The following INPP4A variants were observed in gnomAD, a reference collection of about 807,000 sequenced individuals.
INPP4A encodes inositol polyphosphate-4-phosphatase, type I, 107kD.
In INPP4A, 33 loss-of-function variants were observed where a neutral mutation model predicts 119.8. That is an observed-to-expected ratio of 0.28 (90% CI 0.21 to 0.37). The LOEUF (loss-of-function observed/expected upper bound fraction) is 0.37, where lower values mean the gene tolerates loss of function less well. Ranked by LOEUF, INPP4A falls within the 10% of genes least tolerant of loss-of-function variation. The pLI, the probability that INPP4A is intolerant of heterozygous loss-of-function variation, is 1.00. For synonymous variants in INPP4A, 496 were observed against 500.7 expected (o/e 0.99, Z 0.12); for missense variants, 956 against 1,289.9 (o/e 0.74, Z 3.97).
In INPP4A at chr2:98,588,195, C is replaced by A. The variant is rs376825703; in HGVS notation, c.*587C>A. Reference sequence around the variant, plus strand: ...GTTGAAAGAAAGATTGATAAATCAACGGGAGATAAGACTTTATTAGAAGGT... The same window carrying A: ...GTTGAAAGAAAGATTGATAAATCAAAGGGAGATAAGACTTTATTAGAAGGT... On this transcript the variant is annotated 3_prime_UTR_variant, in exon 25 of 25. Coordinates refer to ENST00000409851, the MANE Select transcript of INPP4A (RefSeq NM_001134225.2). The A allele has an allele frequency of 1.4e-5, 3 of 210,394 alleles. No individual in the cohort carries two copies. Among genetic ancestry groups the A allele is most frequent in the Non-Finnish European group, 2.9e-5 (3 of 103,874 alleles). 13.0% of individuals were successfully genotyped at this position (210,394 alleles called of 1,614,324 possible).
chr2:98,446,935 G>C (rs1215458662), intron 1 of INPP4A, among the ~76,000 whole-genome samples: 1 of 152,122 alleles, frequency 6.6e-6, no homozygotes, highest in Non-Finnish European at 1.5e-5. Context: ...CTAGAAAAAT[G>C]GGATGTGTAT....
rs540869301 is a variant in INPP4A, at chr2:98,577,182, G to A, written c.2786+39G>A. ...CCAGGCCGCGCGCCCCGCCTGCCCC[G>A]GCCCGTGTAAACTGCAGATGAGCTG... On this transcript the variant is annotated intron_variant, in intron 24 of 24. Transcript: ENST00000409851. The A allele has an allele frequency of 1.4e-5, 21 of 1,537,826 alleles. No individual in the cohort carries two copies. In the East Asian group the frequency reaches 2.2e-4, roughly 16 times the overall value.
rs115448170 is a variant in INPP4A, at chr2:98,522,480, C to T, written c.151+1749C>T. On this transcript the variant is annotated intron_variant, in intron 4 of 24. Transcript: ENST00000409851. ...AAGTTTGGAAGTTAGTCAAGGAATT[C>T]TTCCAGAAAGTAAGATTTTAAAAAC... Among the ~76,000 whole-genome samples the T allele has an allele frequency of 6.9e-3, 1,053 of 151,908 alleles. 10 individuals are homozygous for T. Among genetic ancestry groups the T allele is most frequent in the African/African-American group, 0.022 (920 of 41,452 alleles).
At chr2:98,587,384 T>A in intron 24 of INPP4A, 92 bp from the exon 25 acceptor site, 1 of 1,244,002 alleles carries the variant, frequency 8.0e-7, no homozygotes, top group Non-Finnish European at 1.1e-6. Flanking sequence ...TTTTTAATGT[T>A]ATGAAAATGA....
chr2:98,542,242 C>T (rs1418031759), intron 10 of INPP4A, among the ~76,000 whole-genome samples: 1 of 152,268 alleles, frequency 6.6e-6, no homozygotes, highest in Non-Finnish European at 1.5e-5. Context: ...GGCCTGAGGC[C>T]ATGGGGCCGG....
chr2:98,498,247 A>T (rs146389588), intron 1 of INPP4A, among the ~76,000 whole-genome samples: 3 of 151,984 alleles, frequency 2.0e-5, no homozygotes, highest in African/African-American at 7.3e-5. Context: ...TAACTGAATC[A>T]TGGGGGGTGG....
At chr2:98,519,896 T>C in intron 2 of INPP4A, 50 bp from the exon 3 acceptor site, 1 of 647,086 alleles carries the variant, frequency 1.5e-6, no homozygotes, top group South Asian at 1.8e-5. Context: ...AGAGCATGAT[T>C]TCTCTCCATC....
chr2:98,544,045 G>GCGCA (rs750014688), intron 11 of INPP4A, 38 bp downstream of exon 11: 1 of 1,441,432 alleles, frequency 6.9e-7, no homozygotes. Context: ...ACACGCGTGC[G>GCGCA]CACACACACA....
Position 98,461,026 on chromosome 2 carries a change from G to A in INPP4A, c.-166+15941G>A, listed in dbSNP as rs528416784. 1.6e-4 allele frequency among the ~76,000 whole-genome samples: 24 copies of A among 152,244 alleles called. 1 individual carries two copies. The South Asian group carries it at 2.3e-3, about 14-fold the overall frequency. ...AATAGCTGGCTGGGCAGCTGCAGCC[G>A]GTTCCATCTTCTCCATAGCCACGCC... is the stretch of plus-strand genomic sequence containing the variant. On this transcript the variant is annotated intron_variant, in intron 1 of 24. Coordinates refer to ENST00000409851, the MANE Select transcript of INPP4A (RefSeq NM_001134225.2).
chr2:98,520,820 T>C, intron 4 of INPP4A, 89 bp downstream of exon 4: 2 of 709,956 alleles, frequency 2.8e-6, no homozygotes, highest in Non-Finnish European at 4.7e-6. Context: ...TGGGCTTGTC[T>C]CAGAGAGCTT....
chr2:98,474,642 G>GCAGCAGACCCATCTCACCTGGGTGC (rs1676835185), intron 1 of INPP4A, among the ~76,000 whole-genome samples: 1 of 152,202 alleles, frequency 6.6e-6, no homozygotes, highest in Non-Finnish European at 1.5e-5. Flanking sequence ...GCCCTGGGAG[G>GCAGCAGACCCATCTCACCTGGGTGC]CAGCAGACCC....
In INPP4A at chr2:98,546,577, G is replaced by T; in HGVS notation, c.1055-9G>T. 1 of 1,605,408 alleles carries T rather than the reference G, an allele frequency of 6.2e-7. No individual in the cohort carries two copies. Among genetic ancestry groups the T allele is most frequent in the Non-Finnish European group, 8.5e-7 (1 of 1,172,426 alleles). Reference sequence around the variant, plus strand: ...CCAGAGTAATGGAGGAGAGCTTTCTGTCATTCAGATCAGAACTACGACATC... The same window carrying T: ...CCAGAGTAATGGAGGAGAGCTTTCTTTCATTCAGATCAGAACTACGACATC... On this transcript the variant is annotated splice_polypyrimidine_tract_variant and intron_variant, in intron 12 of 24. Coordinates refer to ENST00000409851, the MANE Select transcript of INPP4A (RefSeq NM_001134225.2). The surrounding 1 kb of genome is among the most constrained non-coding windows in gnomAD (Gnocchi z 4.2).
At chr2:98,534,544 C>G (rs146942642) in intron 5 of INPP4A, among the ~76,000 whole-genome samples, 10 of 152,258 alleles carry the variant, frequency 6.6e-5, no homozygotes, top group African/African-American at 1.9e-4. Context: ...TCGGGGGACT[C>G]CACATGAAGA....
chr2:98,579,047 C>CT (rs1388095033), intron 24 of INPP4A, among the ~76,000 whole-genome samples: 1 of 150,646 alleles, frequency 6.6e-6, no homozygotes, highest in African/African-American at 2.4e-5. Flanking sequence ...GACCTTATCA[C>CT]TTTTTTTTTC....
intron 21 of INPP4A, 108 bp from the exon 22 acceptor site, chr2:98,568,463 C>T (rs1300260622): frequency 3.1e-6 from 2 of 643,788 alleles, no homozygotes; most frequent in Non-Finnish European, 5.7e-6. Flanking sequence ...TTTAGATATG[C>T]ATAGTAAATG....
chr2:98,495,976 T>C (rs540492800), intron 1 of INPP4A, among the ~76,000 whole-genome samples: 1 of 152,356 alleles, frequency 6.6e-6, no homozygotes, highest in Non-Finnish European at 1.5e-5. Flanking sequence ...TATTTTGATT[T>C]CTTTCAGGGC....
intron 4 of INPP4A, among the ~76,000 whole-genome samples, chr2:98,529,119 T>C (rs768761301): frequency 4.1e-4 from 62 of 151,984 alleles, no homozygotes; most frequent in African/African-American, 1.4e-3. Context: ...AAAATATCTT[T>C]CAAAAATGAA....
chr2:98,452,244 G>C (rs953573087), intron 1 of INPP4A, among the ~76,000 whole-genome samples: 4 of 152,198 alleles, frequency 2.6e-5, no homozygotes, highest in Non-Finnish European at 5.9e-5. Flanking sequence ...GAGGCTGTGA[G>C]AGTGCTGTGT....
chr2:98,512,331 C>G lies in INPP4A; in HGVS notation c.-165-6633C>G, dbSNP rs371731191. On this transcript the variant is annotated intron_variant, in intron 1 of 24. Coordinates refer to ENST00000409851, the MANE Select transcript of INPP4A (RefSeq NM_001134225.2). ...GATTAGCTGAGCAAGTGGGTGGATT[C>G]CTGAGGCCCCACTCTGGGCCTCACA... 3.0e-4 allele frequency among the ~76,000 whole-genome samples: 45 copies of G among 152,300 alleles called. No individual in the cohort carries two copies. In the South Asian group the frequency reaches 9.1e-3, roughly 31 times the overall value.
Sources: gnomAD v4.1 joint callset for allele counts (sites outside exome capture counted in the v4.1 genomes callset) on GRCh38, gnomAD v4.1.1 for gene constraint, Gnocchi (gnomAD v3.1) non-coding constraint, MANE v1.5 for transcripts, NCBI Gene and HGNC (gene_info 2026-07-23, HGNC 2026-07-21) for gene names.